Variants in DPP6 observed in about 807,000 individuals in gnomAD.
The protein encoded by DPP6 is A-type potassium channel modulatory protein DPP6.
A neutral mutation model predicts 122.6 loss-of-function variants in DPP6; 69 were observed. The ratio of observed to expected loss-of-function variants is 0.56; its 90% CI spans 0.46 to 0.69. The LOEUF is 0.69. Among genes scored for constraint, DPP6 ranks in the 30% least tolerant of loss-of-function variants. DPP6 has a pLI of 0.00. For missense variants in DPP6, 928 were observed against 1,116.9 expected (o/e 0.83, Z 2.41); for synonymous variants, 418 against 433.1 (o/e 0.97, Z 0.43).
At chr7:154,440,195 C>T (rs1361838931) in intron 1 of DPP6, among the ~76,000 whole-genome samples, 2 of 152,188 alleles carry the variant, frequency 1.3e-5, no homozygotes, top group African/African-American at 4.8e-5. Flanking sequence ...TCGTCTTCCA[C>T]CACCACCACA....
At chr7:154,330,619 A>G (rs1352108889) in intron 1 of DPP6, among the ~76,000 whole-genome samples, 1 of 152,220 alleles carries the variant, frequency 6.6e-6, no homozygotes, top group East Asian at 1.9e-4. Flanking sequence ...GGAATTTTCA[A>G]CAATGGAGCA....
chr7:153,791,610 C>T, the DPP6 span, among the ~76,000 whole-genome samples: 1 of 151,880 alleles, frequency 6.6e-6, no homozygotes, highest in Non-Finnish European at 1.5e-5. Context: ...AGTAGAGACC[C>T]GGTTTCACCA....
chr7:153,998,653 T>C (rs1433216430), intron 1 of DPP6, among the ~76,000 whole-genome samples: 1 of 152,222 alleles, frequency 6.6e-6, no homozygotes, highest in African/African-American at 2.4e-5. Context: ...GTGATTACAC[T>C]ATTTTTCTTC....
chr7:154,037,300 A>G lies in DPP6; in HGVS notation c.51+149566A>G, dbSNP rs530664070. Among the ~76,000 whole-genome samples, 882 of 151,212 alleles carry G rather than the reference A, an allele frequency of 5.8e-3. 5 individuals carry two copies. The highest frequency in any genetic ancestry group is 0.021 in the African/African-American group (837 of 40,536). The stretch of plus-strand genomic sequence containing the variant: ...ATTTACTTTCCCCATTGGTATTCCG[A>G]AGTGTTCACTGAAACACAGCTGCTC... On this transcript the variant is annotated intron_variant, in intron 1 of 25. Transcript: ENST00000404039.
chr7:154,000,915 C>T (rs1433318049), intron 1 of DPP6, among the ~76,000 whole-genome samples: 9 of 152,074 alleles, frequency 5.9e-5, no homozygotes, highest in Non-Finnish European at 8.8e-5. Flanking sequence ...GGGTATCTGC[C>T]GCCCGGGCCC....
chr7:154,220,488 G>A (rs1017516191), intron 1 of DPP6, among the ~76,000 whole-genome samples: 3 of 152,184 alleles, frequency 2.0e-5, no homozygotes, highest in Non-Finnish European at 4.4e-5. Flanking sequence ...GTACCTGGGT[G>A]ATGAAATAAT....
chr7:154,204,147 C>G (rs567937034), intron 1 of DPP6, among the ~76,000 whole-genome samples: 2 of 152,294 alleles, frequency 1.3e-5, no homozygotes, highest in East Asian at 3.9e-4. Flanking sequence ...GTGTTGCATC[C>G]AGGAACAATG....
intron 18 of DPP6, among the ~76,000 whole-genome samples, 200 bp downstream of exon 18, chr7:154,868,293 G>T (rs1804071095): frequency 6.6e-6 from 1 of 152,118 alleles, no homozygotes; most frequent in Non-Finnish European, 1.5e-5. Flanking sequence ...ACCAAAAAAA[G>T]CAGGGCACAG....
the DPP6 span, among the ~76,000 whole-genome samples, chr7:153,767,176 G>A: frequency 2.0e-5 from 3 of 152,178 alleles, no homozygotes; most frequent in Non-Finnish European, 2.9e-5. Flanking sequence ...TCCAAGTGAT[G>A]CTGTGAGGCA....
At chr7:153,973,197 T>C (rs1439559955) in intron 1 of DPP6, among the ~76,000 whole-genome samples, 8 of 152,172 alleles carry the variant, frequency 5.3e-5, no homozygotes, top group South Asian at 4.1e-4. Flanking sequence ...TCGTTGTTGG[T>C]ATTTTATTTA....
chr7:154,053,053 A>G lies in DPP6; in HGVS notation c.233A>G (p.Asp78Gly), dbSNP rs1207910393. Reference sequence around the variant, plus strand: ...CAGTACCAGGCGCGGAGCGATGGTGACGAGGAGGACGTAAGAGCTTCTCGG... The same window carrying G: ...CAGTACCAGGCGCGGAGCGATGGTGGCGAGGAGGACGTAAGAGCTTCTCGG... Reference protein sequence around the residue: ...RFQYQARSDGDEEDELVGSNP... With the variant: ...RFQYQARSDGGEEDELVGSNP... The change falls in exon 1 of 26, where the codon GAC becomes GGC. Residue 78 changes from aspartate to glycine, a missense_variant. Transcript: ENST00000377770. 24 of 1,053,292 alleles carry G rather than the reference A, an allele frequency of 2.3e-5. No homozygotes were observed. The highest frequency in any genetic ancestry group is 2.7e-5 in the Non-Finnish European group (24 of 873,552). 65.2% of individuals were successfully genotyped at this position (1,053,292 alleles called of 1,614,324 possible).
the DPP6 span, among the ~76,000 whole-genome samples, chr7:153,817,940 C>T: frequency 6.6e-6 from 1 of 151,214 alleles, no homozygotes; most frequent in African/African-American, 2.4e-5. Flanking sequence ...AACACTAGTG[C>T]ATCAAAAGAA....
At chr7:154,457,972 TAA>T (rs535276505) in intron 2 of DPP6, among the ~76,000 whole-genome samples, 9 of 13,942 alleles carry the variant, frequency 6.5e-4, no homozygotes, top group Admixed American at 2.0e-3. Flanking sequence ...TAGAGTATAA[TAA>T]AAAAAAAAAA....
the DPP6 span, among the ~76,000 whole-genome samples, chr7:153,857,093 CA>C: frequency 0.089 from 13,465 of 151,976 alleles, 676 homozygotes; most frequent in East Asian, 0.15. Flanking sequence ...TAAAATGCTC[CA>C]AATTAATACC....
rs59027201 is a variant in DPP6, at chr7:154,666,196, T to TACAC, written c.681-3163_681-3162insCACA. On this transcript the variant is annotated intron_variant, in intron 6 of 25. Coordinates refer to ENST00000377770, the MANE Select transcript of DPP6 (RefSeq NM_130797.4). ...ACATATATGTGTGTATATATATATATATATACACATATACATACATACATA... is the reference window on the plus strand; with the variant it reads ...ACATATATGTGTGTATATATATATATACACATATACACATATACATACATACATA... Among the ~76,000 whole-genome samples, 668 of 86,574 alleles carry TACAC rather than the reference T, an allele frequency of 7.7e-3. 7 individuals carry two copies. Among genetic ancestry groups the TACAC allele is most frequent in the African/African-American group, 0.019 (508 of 26,610 alleles). 56.8% of individuals were successfully genotyped at this position (86,574 alleles called of 152,430 possible).
the DPP6 span, among the ~76,000 whole-genome samples, chr7:153,869,074 A>G: frequency 3.3e-5 from 5 of 152,110 alleles, no homozygotes; most frequent in South Asian, 2.1e-4. Flanking sequence ...ACTTCCAACT[A>G]TGTGGTCAAT....
chr7:154,872,394 C>T lies in DPP6; in HGVS notation c.1814-230C>T, dbSNP rs191733358. 1.5e-3 allele frequency among the ~76,000 whole-genome samples: 233 copies of T among 152,346 alleles called. 4 individuals are homozygous for T. The highest frequency in any genetic ancestry group is 0.013 in the Admixed American group (201 of 15,310). On this transcript the variant is annotated intron_variant, in intron 18 of 25. Transcript: ENST00000377770. ...ATTCAGTGCACTCCCATATGCAAGA[C>T]TGAATGGAAGCTTCAGAGAAATGAA...
the DPP6 span, among the ~76,000 whole-genome samples, chr7:153,803,737 TCTC>T: frequency 2.6e-5 from 4 of 151,166 alleles, no homozygotes; most frequent in East Asian, 7.8e-4. Flanking sequence ...ATATGTAAAA[TCTC>T]CTTTTATATA....
chr7:153,964,942 T>TTTCTTTC (rs1563055624), intron 1 of DPP6, among the ~76,000 whole-genome samples: 1 of 113,558 alleles, frequency 8.8e-6, no homozygotes, highest in Non-Finnish European at 1.7e-5. Context: ...TTCTTTCTTT[T>TTTCTTTC]TCTTTCTTTC....
Sources: allele counts gnomAD v4.1 joint callset (sites outside exome capture counted in the v4.1 genomes callset), GRCh38; gene constraint gnomAD v4.1.1; transcripts MANE v1.5; gene names NCBI Gene and HGNC (gene_info 2026-07-23, HGNC 2026-07-21).